The following RNF212 variants were observed in gnomAD, a reference collection of about 807,000 sequenced individuals.
RNF212 encodes the protein probable E3 SUMO-protein ligase RNF212.
In RNF212, 33 loss-of-function variants were observed where a neutral mutation model predicts 34.7. The ratio of observed to expected loss-of-function variants is 0.95; its 90% CI spans 0.72 to 1.27. The LOEUF is 1.27. Ranked by LOEUF, RNF212 falls within the 50% of genes most tolerant of loss-of-function variation. The pLI, the probability that RNF212 is intolerant of heterozygous loss-of-function variation, is 0.00. For missense variants in RNF212, 377 were observed against 362.2 expected (o/e 1.04, Z -0.33); for synonymous variants, 140 against 136.1 (o/e 1.03, Z -0.20).
At chr4:1,088,611 G>A (rs1721705524) in intron 4 of RNF212, among the ~76,000 whole-genome samples, 1 of 152,220 alleles carries the variant, frequency 6.6e-6, no homozygotes, top group African/African-American at 2.4e-5. Flanking sequence ...GAGCCAGGAC[G>A]GTGGAGAAAA....
intron 7 of RNF212, among the ~76,000 whole-genome samples, chr4:1,080,542 T>G (rs1720161787): frequency 6.6e-6 from 1 of 152,132 alleles, no homozygotes; most frequent in Admixed American, 6.5e-5. Context: ...ACCGTACAGA[T>G]GTACCACAGT....
At chr4:1,099,976 G>T (rs191987816) in intron 2 of RNF212, 9 of 432,224 alleles carry the variant, frequency 2.1e-5, no homozygotes, top group Admixed American at 7.5e-5. Context: ...AGCCACTGCC[G>T]CTAGGCAGGA....
chr4:1,096,821 C>G lies in RNF212; in HGVS notation c.190G>C (p.Ala64Pro). The stretch of plus-strand genomic sequence containing the variant: ...AGACTGTCTATGCTCATGAAGAATG[C>G]CTGGATATCTGCGTCGGTCTGAAAG... ...LSKHTDADIQ[A>P]FFMSIDSLCK... Residue 64 changes from alanine (A) to proline (P), a missense_variant, in exon 3 of 10, where the codon GCA becomes CCA. Transcript: ENST00000433731. The G allele has an allele frequency of 1.2e-6, 2 of 1,612,602 alleles. No homozygotes were observed. Among genetic ancestry groups the G allele is most frequent in the Non-Finnish European group, 1.7e-6 (2 of 1,178,564 alleles).
chr4:1,106,022 T>C (rs1724762476), intron 2 of RNF212, among the ~76,000 whole-genome samples: 1 of 152,098 alleles, frequency 6.6e-6, no homozygotes, highest in Non-Finnish European at 1.5e-5. Flanking sequence ...CGCTTACTCC[T>C]GGAAAGTTGG....
intron 3 of RNF212, among the ~76,000 whole-genome samples, chr4:1,060,070 G>C (rs1209386906): frequency 7.2e-6 from 1 of 138,442 alleles, no homozygotes; most frequent in Non-Finnish European, 1.5e-5. Context: ...TTGCACTCCA[G>C]CCTGGGCAAC....
intron 3 of RNF212, among the ~76,000 whole-genome samples, chr4:1,091,215 G>GTT (rs764583762): frequency 6.6e-6 from 1 of 152,178 alleles, no homozygotes; most frequent in Non-Finnish European, 1.5e-5. Flanking sequence ...CCGGCACACA[G>GTT]AATGAGGCTA....
At chr4:1,060,339 C>T (rs984750709) in intron 3 of RNF212, among the ~76,000 whole-genome samples, 7 of 152,276 alleles carry the variant, frequency 4.6e-5, no homozygotes, top group Middle Eastern at 3.4e-3. Flanking sequence ...AGGAGTCCTT[C>T]AGGTTCTGCT....
intron 2 of RNF212, among the ~76,000 whole-genome samples, chr4:1,106,148 C>T (rs1287227720): frequency 6.6e-6 from 1 of 152,118 alleles, no homozygotes; most frequent in Non-Finnish European, 1.5e-5. Context: ...GAAGGGAAGA[C>T]CAGCATTCGG....
intron 2 of RNF212, chr4:1,099,731 C>G (rs753051451): frequency 6.6e-6 from 3 of 456,148 alleles, no homozygotes; most frequent in South Asian, 3.1e-5. Context: ...GACTGAAGGC[C>G]TTTGCTGCGT....
At chr4:1,077,069 A>T (rs1719425337) in intron 8 of RNF212, among the ~76,000 whole-genome samples, 1 of 152,186 alleles carries the variant, frequency 6.6e-6, no homozygotes. Flanking sequence ...CTCTACTAAA[A>T]ATACAAAAAT....
At chr4:1,079,810 G>A in intron 7 of RNF212, 122 bp from the exon 8 acceptor site, 1 of 758,872 alleles carries the variant, frequency 1.3e-6, no homozygotes. Context: ...GCTTCATGCT[G>A]CGGCCAGAGT....
intron 5 of RNF212, among the ~76,000 whole-genome samples, chr4:1,083,983 TTG>T (rs1308401813): frequency 6.7e-6 from 1 of 148,952 alleles, no homozygotes; most frequent in African/African-American, 2.5e-5. Context: ...AGTTTTGCTC[TTG>T]TTACCCAGGC....
intron 3 of RNF212, among the ~76,000 whole-genome samples, chr4:1,091,571 C>T (rs1368532096): frequency 2.0e-5 from 3 of 152,204 alleles, no homozygotes; most frequent in Non-Finnish European, 4.4e-5. Flanking sequence ...CTTCACTCCA[C>T]CTTGCCATCT....
chr4:1,079,922 G>A (rs989768442), intron 7 of RNF212, among the ~76,000 whole-genome samples: 6 of 152,218 alleles, frequency 3.9e-5, no homozygotes, highest in African/African-American at 1.2e-4. Flanking sequence ...GCCGCTGGCC[G>A]GCCCGCCCTG....
intron 8 of RNF212, among the ~76,000 whole-genome samples, chr4:1,074,237 C>A (rs1177144909): frequency 2.0e-5 from 3 of 152,188 alleles, no homozygotes; most frequent in African/African-American, 4.8e-5. Flanking sequence ...CTGCTCTGAG[C>A]CCCTCCTGCC....
chr4:1,092,645 G>C (rs911882032), intron 3 of RNF212, among the ~76,000 whole-genome samples: 1 of 152,224 alleles, frequency 6.6e-6, no homozygotes, highest in Non-Finnish European at 1.5e-5. Context: ...TATGCCTCTT[G>C]AACTGAGCCA....
intron 8 of RNF212, among the ~76,000 whole-genome samples, chr4:1,075,397 C>T (rs532927721): frequency 6.6e-6 from 1 of 152,276 alleles, no homozygotes; most frequent in Admixed American, 6.5e-5. Flanking sequence ...CTGGGGAGGC[C>T]TTGGGAGGCT....
At chr4:1,067,873 A>T (rs1004140720), downstream of RNF212, among the ~76,000 whole-genome samples, 2 of 151,944 alleles carry the variant, frequency 1.3e-5, no homozygotes, top group Admixed American at 1.3e-4. Flanking sequence ...GTCTCAAAAA[A>T]AAAAAAAAAA....
intron 3 of RNF212, among the ~76,000 whole-genome samples, chr4:1,092,879 C>T (rs1388898413): frequency 2.0e-5 from 3 of 152,246 alleles, no homozygotes. Flanking sequence ...CCAGGAGAGG[C>T]GGCTGCCTGG....
Sources: gnomAD v4.1 joint callset for allele counts (sites outside exome capture counted in the v4.1 genomes callset) on GRCh38, gnomAD v4.1.1 for gene constraint, MANE v1.5 for transcripts, NCBI Gene and HGNC (gene_info 2026-07-23, HGNC 2026-07-21) for gene names.